EDA: variants seen among roughly 807,000 people sequenced by gnomAD.
EDA encodes the protein ectodysplasin-A.
EDA carries 2 observed loss-of-function variants against 23.6 expected under a neutral mutation model. The observed-to-expected ratio is 0.08, with a 90% CI of 0.03 to 0.27. The LOEUF is 0.27. Among genes scored for constraint, EDA ranks in the 10% least tolerant of loss-of-function variants. The pLI, the probability that EDA is intolerant of heterozygous loss-of-function variation, is 1.00. For missense variants in EDA, 229 were observed against 324.2 expected, an observed-to-expected ratio of 0.71 and a Z score of 2.26; for synonymous variants, 131 against 132.0, an observed-to-expected ratio of 0.99 and a Z score of 0.05.
At chrX:69,863,054 A>AC (rs1334795658) in intron 1 of EDA, among the ~76,000 whole-genome samples, 1 of 109,824 alleles carries the variant, frequency 9.1e-6, no homozygotes, top group African/African-American at 3.3e-5. Flanking sequence ...AAAAAAAAAA[A>AC]AATAGATGAA....
intron 1 of EDA, among the ~76,000 whole-genome samples, chrX:69,852,566 C>T (rs1319250423): frequency 9.0e-6 from 1 of 111,387 alleles, no homozygotes; most frequent in African/African-American, 3.3e-5. Flanking sequence ...GCCTTTAGTT[C>T]GGTTTTAATG....
intron 1 of EDA, among the ~76,000 whole-genome samples, chrX:69,670,639 C>A (rs759082619): frequency 2.8e-5 from 3 of 108,770 alleles, no homozygotes; most frequent in South Asian, 4.0e-4. Flanking sequence ...AAAAAAAAAA[C>A]CACCATCTTC....
rs188209153 is a variant in EDA at position 69,682,495 on chromosome X, C to G, written c.396+65791C>G. On this transcript the variant is annotated intron_variant, in intron 1 of 7. Transcript: ENST00000374552. The stretch of plus-strand genomic sequence containing the variant: ...GAGACTCCGTGGACGTAGGACACTC[C>G]AAGCCAGGTGTGGGATATAATCTCC... Among the ~76,000 whole-genome samples, 6 of 112,269 alleles carry G rather than the reference C, an allele frequency of 5.3e-5. No individual in the cohort carries two copies. In the East Asian group the frequency reaches 1.4e-3, roughly 26 times the overall value.
chrX:69,941,276 T>C (rs2018753677), intron 1 of EDA, among the ~76,000 whole-genome samples: 1 of 111,836 alleles, frequency 8.9e-6, no homozygotes, highest in African/African-American at 3.2e-5. Flanking sequence ...TGAATATCCA[T>C]TAGGTCCATT....
intron 1 of EDA, among the ~76,000 whole-genome samples, chrX:69,823,815 G>T (rs1016706452): frequency 6.5e-5 from 6 of 91,797 alleles, no homozygotes; most frequent in Non-Finnish European, 1.0e-4. Flanking sequence ...TTCTTCTAGG[G>T]TTTTTATGGT....
chrX:69,830,515 A>G (rs1306740464), intron 1 of EDA, among the ~76,000 whole-genome samples: 1 of 112,245 alleles, frequency 8.9e-6, no homozygotes, highest in African/African-American at 3.2e-5. Context: ...TCCTCAAAAT[A>G]TTAAACTTCC....
At position 69,836,606 on chromosome X, in the gene EDA, G is replaced by C. The variant is rs754729376; in HGVS notation, c.397-120421G>C. ...ACCTTGAGAAAAGCACAGTATTTGG[G>C]CGGGAGTGTCCCGTTTTTCCAGGTA... is the stretch of plus-strand genomic sequence containing the variant. On this transcript the variant is annotated intron_variant, in intron 1 of 7. Transcript: ENST00000374552. Among the ~76,000 whole-genome samples the C allele has an allele frequency of 8.0e-5, 9 of 112,144 alleles. No homozygotes were observed. In the South Asian group the frequency reaches 1.9e-3, roughly 24 times the overall value.
chrX:69,703,456 G>A (rs2011594314), intron 1 of EDA, among the ~76,000 whole-genome samples: 1 of 112,079 alleles, frequency 8.9e-6, no homozygotes, highest in African/African-American at 3.2e-5. Context: ...AAAGGTTCTT[G>A]TATCTGTTCT....
At chrX:69,713,923 GTT>G (rs58781092) in intron 1 of EDA, among the ~76,000 whole-genome samples, 52 of 99,627 alleles carry the variant, frequency 5.2e-4, no homozygotes, top group Middle Eastern at 5.3e-3. Context: ...TGCATGTTTA[GTT>G]TTTTTTTTTT....
intron 1 of EDA, among the ~76,000 whole-genome samples, chrX:69,657,532 A>G (rs1933356283): frequency 8.9e-6 from 1 of 112,023 alleles, no homozygotes; most frequent in South Asian, 3.7e-4. Context: ...TGGGATCTTC[A>G]TCATAAATTC....
At chrX:69,810,505 C>G (rs1278104168) in intron 1 of EDA, among the ~76,000 whole-genome samples, 1 of 106,626 alleles carries the variant, frequency 9.4e-6, no homozygotes, top group Non-Finnish European at 1.9e-5. Context: ...ACCTGTAATC[C>G]CAGCACTTTG....
intron 1 of EDA, among the ~76,000 whole-genome samples, chrX:69,790,149 A>G (rs750838673): frequency 2.7e-5 from 3 of 111,368 alleles, no homozygotes; most frequent in Non-Finnish European, 3.8e-5. Context: ...TATAAAGGAA[A>G]CCTAGTAATT....
chrX:69,682,505 G>A (rs1321597838), intron 1 of EDA, among the ~76,000 whole-genome samples: 2 of 112,256 alleles, frequency 1.8e-5, no homozygotes, highest in East Asian at 5.6e-4. Flanking sequence ...CAAGCCAGGT[G>A]TGGGATATAA....
At chrX:69,994,933 C>A (rs1378304021) in intron 2 of EDA, among the ~76,000 whole-genome samples, 1 of 112,186 alleles carries the variant, frequency 8.9e-6, no homozygotes, top group Non-Finnish European at 1.9e-5. Context: ...CTATGAATAA[C>A]ACCAAAATAT....
chrX:69,682,449 A>G (rs1229769685), intron 1 of EDA, among the ~76,000 whole-genome samples: 1 of 111,955 alleles, frequency 8.9e-6, no homozygotes, highest in Non-Finnish European at 1.9e-5. Context: ...TTGATCTCAG[A>G]CTGCTGTGCT....
At chrX:70,011,755 T>A (rs1423290156) in intron 2 of EDA, among the ~76,000 whole-genome samples, 1 of 111,865 alleles carries the variant, frequency 8.9e-6, no homozygotes, top group African/African-American at 3.3e-5. Flanking sequence ...CTTTTTTGTT[T>A]GTCTGAGGAA....
chrX:69,814,625 T>A (rs2016035783), intron 1 of EDA, among the ~76,000 whole-genome samples: 1 of 111,920 alleles, frequency 8.9e-6, no homozygotes. Context: ...GTGAGTGAAT[T>A]CAGCACCTTC....
chrX:70,029,677 G>A, intron 5 of EDA, 139 bp downstream of exon 5: 1 of 649,179 alleles, frequency 1.5e-6, no homozygotes, highest in Non-Finnish European at 2.5e-6. Flanking sequence ...TTCACTCACA[G>A]CCCCCTCCCA....
chrX:69,712,778 A>C (rs1010165213), intron 1 of EDA, among the ~76,000 whole-genome samples: 5 of 111,311 alleles, frequency 4.5e-5, no homozygotes, highest in Non-Finnish European at 9.4e-5. Flanking sequence ...TTATTGCGGC[A>C]CTATTCACAA....
Sources: allele counts gnomAD v4.1 joint callset (sites outside exome capture counted in the v4.1 genomes callset), GRCh38; gene constraint gnomAD v4.1.1; transcripts MANE v1.5; gene names NCBI Gene and HGNC (gene_info 2026-07-23, HGNC 2026-07-21).